Variants in ZNF599 observed in about 807,000 individuals in gnomAD.
The protein encoded by ZNF599 is zinc finger protein 599.
A neutral mutation model predicts 11.7 loss-of-function variants in ZNF599; 10 were observed. The observed-to-expected ratio is 0.86, with a 90% CI of 0.53 to 1.45. The LOEUF (loss-of-function observed/expected upper bound fraction) is 1.45, where lower values mean the gene tolerates loss of function less well. Among genes scored for constraint, ZNF599 ranks in the 40% most tolerant of loss-of-function variants. The pLI is 0.00. For synonymous variants in ZNF599, 232 were observed against 253.2 expected, an observed-to-expected ratio of 0.92 and a Z score of 0.79; for missense variants, 688 against 713.6, an observed-to-expected ratio of 0.96 and a Z score of 0.41.
At chr19:34,789,602 A>G in the ZNF599 span, among the ~76,000 whole-genome samples, 1 of 152,146 alleles carries the variant, frequency 6.6e-6, no homozygotes, top group South Asian at 2.1e-4. Context: ...CCTAATTATT[A>G]GTGGTGTTGA....
chr19:34,769,218 G>A (rs925265462), intron 2 of ZNF599, among the ~76,000 whole-genome samples: 15 of 152,210 alleles, frequency 9.9e-5, no homozygotes, highest in Admixed American at 7.2e-4. Context: ...TAGACAGTGG[G>A]ATAAAAGTGT....
the ZNF599 span, chr19:34,788,812 C>A: frequency 6.6e-6 from 1 of 152,134 alleles, no homozygotes; most frequent in Non-Finnish European, 1.5e-5. Flanking sequence ...TATTCTAAGA[C>A]TCTTTTTAAA....
At chr19:34,762,521 G>A (rs1186749133) in intron 3 of ZNF599, among the ~76,000 whole-genome samples, 8 of 152,132 alleles carry the variant, frequency 5.3e-5, no homozygotes, top group Admixed American at 5.2e-4. Flanking sequence ...AGATGTGCCT[G>A]AGGACACATA....
At chr19:34,801,298 G>T in the ZNF599 span, among the ~76,000 whole-genome samples, 1 of 152,212 alleles carries the variant, frequency 6.6e-6, no homozygotes, top group African/African-American at 2.4e-5. Context: ...CATGGACAGA[G>T]AATTTTCCAT....
At chr19:34,788,393 C>T in the ZNF599 span, among the ~76,000 whole-genome samples, 2 of 152,192 alleles carry the variant, frequency 1.3e-5, no homozygotes, top group South Asian at 4.1e-4. Context: ...TGTCACCACT[C>T]ACTCCCAAAA....
chr19:34,798,090 C>T, the ZNF599 span, among the ~76,000 whole-genome samples: 1 of 152,216 alleles, frequency 6.6e-6, no homozygotes, highest in East Asian at 1.9e-4. Context: ...GGGGGAAACA[C>T]ATCATGTGCT....
chr19:34,773,829 C>CT (rs372995327), upstream of ZNF599, among the ~76,000 whole-genome samples: 677 of 152,238 alleles, frequency 4.4e-3, 5 homozygotes, highest in African/African-American at 0.016. Flanking sequence ...TGGGAAGTAA[C>CT]TAAGAATTGC....
At chr19:34,787,262 ATC>A in the ZNF599 span, among the ~76,000 whole-genome samples, 1 of 146,672 alleles carries the variant, frequency 6.8e-6, no homozygotes, top group Non-Finnish European at 1.5e-5. Flanking sequence ...CATCATCATC[ATC>A]ATCACAAGAC....
In ZNF599 at chr19:34,759,281, T is replaced by C. The variant is rs1403594972; in HGVS notation, c.1520A>G (p.Tyr507Cys). ...HMRIHTGEKP[Y>C]VCRECGKAFT... The stretch of plus-strand genomic sequence containing the variant: ...AGCCTTTCCACATTCTCTACAAACA[T>C]AGGGCTTCTCTCCAGTGTGAATCCT... The change falls in exon 4 of 4, where the codon TAT becomes TGT. Residue 507 changes from tyrosine to cysteine, a missense_variant. Transcript: ENST00000329285. The C allele has an allele frequency of 5.0e-6, 8 of 1,614,146 alleles. No individual in the cohort carries two copies. The highest frequency in any genetic ancestry group is 1.7e-5 in the Admixed American group (1 of 60,020).
At chr19:34,778,031 G>A (rs2069230098), upstream of ZNF599, among the ~76,000 whole-genome samples, 1 of 152,056 alleles carries the variant, frequency 6.6e-6, no homozygotes. Flanking sequence ...GATGATGGAT[G>A]TGTTTATTAC....
At chr19:34,804,544 A>G in the ZNF599 span, among the ~76,000 whole-genome samples, 1 of 152,212 alleles carries the variant, frequency 6.6e-6, no homozygotes. Context: ...CCTCAAGTCT[A>G]CAAAGTGGCC....
the ZNF599 span, among the ~76,000 whole-genome samples, chr19:34,787,292 G>C: frequency 6.6e-6 from 1 of 151,954 alleles, no homozygotes; most frequent in Non-Finnish European, 1.5e-5. Flanking sequence ...TACAATGGCT[G>C]TGAGGGGGCA....
At chr19:34,769,353 T>C in intron 2 of ZNF599, 76 bp downstream of exon 2, 3 of 1,607,622 alleles carry the variant, frequency 1.9e-6, no homozygotes, top group Non-Finnish European at 8.5e-7. Flanking sequence ...CTGAGGCTCC[T>C]GGACCAGCCA....
the ZNF599 span, among the ~76,000 whole-genome samples, chr19:34,784,588 T>C: frequency 7.2e-5 from 11 of 152,162 alleles, no homozygotes; most frequent in African/African-American, 2.7e-4. Flanking sequence ...TTGACACTTA[T>C]TAATAGATCC....
In ZNF599 at chr19:34,759,596, T is replaced by C; in HGVS notation, c.1205A>G (p.Lys402Arg). Residue 402 changes from lysine (K) to arginine (R), a missense_variant, in exon 4 of 4, where the codon AAG becomes AGG. Coordinates refer to ENST00000329285, the MANE Select transcript of ZNF599 (RefSeq NM_001007248.3). ...EKPYECGECG[K>R]AFTHRSTFIR... ...GAAAGTGGAGCGATGAGTAAAGGCC[T>C]TTCCACATTCACCGCACTCATAGGG... 1 of 1,613,964 alleles carries C rather than the reference T, an allele frequency of 6.2e-7. No individual in the cohort carries two copies. The highest frequency in any genetic ancestry group is 8.5e-7 in the Non-Finnish European group (1 of 1,179,992).
intron 2 of ZNF599, 55 bp from the exon 3 acceptor site, chr19:34,767,466 G>T: frequency 7.0e-7 from 1 of 1,431,270 alleles, no homozygotes; most frequent in Non-Finnish European, 9.8e-7. Flanking sequence ...AAAAAGAAAA[G>T]TCTGAGGTGT....
chr19:34,763,370 T>A (rs149525571), intron 3 of ZNF599: 2 of 152,210 alleles, frequency 1.3e-5, no homozygotes, highest in Non-Finnish European at 2.9e-5. Flanking sequence ...ATTATGAAAG[T>A]CAGAGGGGGG....
chr19:34,784,368 C>T, the ZNF599 span, among the ~76,000 whole-genome samples: 5 of 152,146 alleles, frequency 3.3e-5, no homozygotes, highest in East Asian at 3.9e-4. Flanking sequence ...CATTTTAACA[C>T]GATTACCTCT....
At chr19:34,771,459 C>T (rs36043700) in intron 1 of ZNF599, among the ~76,000 whole-genome samples, 1,551 of 152,234 alleles carry the variant, frequency 0.01, 24 homozygotes, top group African/African-American at 0.035. Flanking sequence ...ATTATCAATG[C>T]GCTCAGTGAA....
Sources: gnomAD v4.1 joint callset for allele counts (sites outside exome capture counted in the v4.1 genomes callset) on GRCh38, gnomAD v4.1.1 for gene constraint, MANE v1.5 for transcripts, NCBI Gene and HGNC (gene_info 2026-07-23, HGNC 2026-07-21) for gene names.